URAD: variants seen among roughly 807,000 people sequenced by gnomAD.
URAD encodes the protein ureidoimidazoline (2-oxo-4-hydroxy-4-carboxy-5-) decarboxylase, also known as putative 2-oxo-4-hydroxy-4-carboxy-5-ureidoimidazoline decarboxylase.
A neutral mutation model predicts 4.6 loss-of-function variants in URAD; 4 were observed. That is an observed-to-expected ratio of 0.87 (90% CI 0.43 to 1.98). The LOEUF (loss-of-function observed/expected upper bound fraction) is 1.98. URAD is among the 30% of genes most tolerant of loss of function. The pLI is 0.03. For synonymous variants in URAD, 144 were observed against 118.2 expected, an observed-to-expected ratio of 1.22 and a Z score of -1.41; for missense variants, 300 against 255.3, an observed-to-expected ratio of 1.18 and a Z score of -1.19.
intron 1 of URAD, among the ~76,000 whole-genome samples, chr13:27,983,035 A>T (rs757517276): frequency 4.6e-5 from 7 of 151,934 alleles, no homozygotes; most frequent in Non-Finnish European, 7.4e-5. Context: ...CCACATCACC[A>T]TCCTAAAGCA....
At position 27,986,097 on chromosome 13, in the gene URAD, C is replaced by T. The variant is rs369456270; in HGVS notation, c.175+2366G>A. On this transcript the variant is annotated intron_variant, in intron 1 of 1. Transcript: ENST00000332715. ...AGCCTCCACCACAGGGAGCTCCTCC[C>T]CAGAACCGTGTCTACTGCAGACACC... is the stretch of plus-strand genomic sequence containing the variant. 3.9e-5 allele frequency among the ~76,000 whole-genome samples: 6 copies of T among 152,212 alleles called. No individual in the cohort carries two copies. The South Asian group carries it at 1.2e-3, about 32-fold the overall frequency.
intron 1 of URAD, among the ~76,000 whole-genome samples, chr13:27,979,763 C>T (rs1182233850): frequency 6.6e-6 from 1 of 152,204 alleles, no homozygotes; most frequent in East Asian, 1.9e-4. Context: ...AGGTAGACGT[C>T]CTCTTCCTCA....
intron 1 of URAD, among the ~76,000 whole-genome samples, chr13:27,984,944 A>T (rs754627219): frequency 4.6e-5 from 7 of 152,044 alleles, no homozygotes; most frequent in Non-Finnish European, 8.8e-5. Context: ...GTGCCACTGC[A>T]CTCCAGCCTG....
Position 27,988,680 on chromosome 13 carries a change from C to A in URAD, c.-43G>T, listed in dbSNP as rs769514810. On this transcript the variant is annotated 5_prime_UTR_variant, in exon 1 of 2. Coordinates refer to ENST00000332715, the MANE Select transcript of URAD (RefSeq NM_001105577.2). ...AGACAGCGGGACGTCCAGCTCCCCT[C>A]TCGGTGAGTGAGTGACGCTGTCTCG... The A allele has an allele frequency of 6.5e-7, 1 of 1,528,768 alleles. No homozygotes were observed. Among genetic ancestry groups the A allele is most frequent in the Non-Finnish European group, 8.8e-7 (1 of 1,135,472 alleles). 94.7% of individuals were successfully genotyped at this position (1,528,768 alleles called of 1,614,324 possible). A position where few individuals can be genotyped will look rare whatever the true frequency, so the allele number is the denominator to read the frequency against.
intron 1 of URAD, among the ~76,000 whole-genome samples, chr13:27,986,842 C>T (rs1268334366): frequency 6.6e-6 from 1 of 152,186 alleles, no homozygotes; most frequent in Non-Finnish European, 1.5e-5. Flanking sequence ...TGCAGGAGTT[C>T]AGCTGAGAGG....
intron 1 of URAD, among the ~76,000 whole-genome samples, chr13:27,981,289 G>C (rs1869870625): frequency 6.6e-6 from 1 of 152,176 alleles, no homozygotes; most frequent in South Asian, 2.1e-4. Flanking sequence ...ATAAGCCCCA[G>C]TGGGAGGCTG....
At chr13:27,979,732 C>G (rs1869820564) in intron 1 of URAD, among the ~76,000 whole-genome samples, 1 of 152,164 alleles carries the variant, frequency 6.6e-6, no homozygotes, top group Admixed American at 6.5e-5. Flanking sequence ...CTCAAAGAAG[C>G]TGAAAATTAA....
intron 1 of URAD, among the ~76,000 whole-genome samples, chr13:27,985,465 A>G (rs1174867529): frequency 2.6e-5 from 4 of 152,206 alleles, no homozygotes; most frequent in East Asian, 3.8e-4. Context: ...CTCAATTAAA[A>G]TAAAAAATAA....
intron 1 of URAD, among the ~76,000 whole-genome samples, chr13:27,979,249 C>T (rs1869809527): frequency 6.6e-6 from 1 of 152,160 alleles, no homozygotes; most frequent in Non-Finnish European, 1.5e-5. Context: ...ATCCCAGAGG[C>T]CCCAGAGAAC....
chr13:27,985,808 G>A (rs1870010343), intron 1 of URAD, among the ~76,000 whole-genome samples: 1 of 152,128 alleles, frequency 6.6e-6, no homozygotes, highest in South Asian at 2.1e-4. Flanking sequence ...TTTCCCATCG[G>A]TAAGAATGGG....
chr13:27,985,233 G>A (rs548594076), intron 1 of URAD, among the ~76,000 whole-genome samples: 20 of 152,226 alleles, frequency 1.3e-4, no homozygotes, highest in South Asian at 2.1e-4. Flanking sequence ...CAAGGTGGGC[G>A]GATCACTTGA....
intron 1 of URAD, among the ~76,000 whole-genome samples, chr13:27,981,941 G>A (rs1869888435): frequency 6.6e-6 from 1 of 152,072 alleles, no homozygotes; most frequent in African/African-American, 2.4e-5. Flanking sequence ...TTACAGAAAA[G>A]ACCTTAGAGT....
chr13:27,988,147 T>C (rs1271915417), intron 1 of URAD, among the ~76,000 whole-genome samples: 4 of 152,088 alleles, frequency 2.6e-5, no homozygotes, highest in Non-Finnish European at 5.9e-5. Context: ...TTAGTAGAGA[T>C]GGGGTTTCAC....
intron 1 of URAD, 65 bp downstream of exon 1, chr13:27,988,398 T>A (rs1241547953): frequency 1.3e-6 from 2 of 1,494,004 alleles, no homozygotes; most frequent in Non-Finnish European, 1.8e-6. Flanking sequence ...GGCCAGTATC[T>A]AAAAATATTT....
chr13:27,982,045 G>T (rs745409062), intron 1 of URAD, among the ~76,000 whole-genome samples: 5 of 152,032 alleles, frequency 3.3e-5, no homozygotes, highest in Non-Finnish European at 7.4e-5. Flanking sequence ...CTCATTAAGG[G>T]CATCTTGCCT....
Position 27,978,200 on chromosome 13 carries a change from G to T in URAD, c.428C>A (p.Ser143Tyr). The T allele has an allele frequency of 6.7e-7, 1 of 1,497,484 alleles. No homozygotes were observed. Among genetic ancestry groups the T allele is most frequent in the Non-Finnish European group, 8.8e-7 (1 of 1,135,556 alleles). The allele number at this position is 1,497,484 out of a possible 1,614,324, so 92.8% of individuals were successfully genotyped here. The stretch of plus-strand genomic sequence containing the variant: ...CAGAGCAGTGCGCAGCTCCTGCGCG[G>T]ACGGGCAGAGCAGCCGGCGCGCCAG... ...RELARRLLCP[S>Y]AQELRTALGE... The change falls in exon 2 of 2, where the codon TCC (serine) becomes TAC (tyrosine). Residue 143 changes from serine (S) to tyrosine (Y), a missense_variant. Ser to Tyr is a moderately radical substitution (Grantham distance 144, BLOSUM62 -2). Transcript: ENST00000332715.
rs1870102173 is a variant in URAD, at chr13:27,988,527, T to G, written c.111A>C (p.Pro37=). Residue 37 remains proline (P), a synonymous_variant, in exon 1 of 2, where the codon CCA becomes CCC. Coordinates refer to ENST00000332715, the MANE Select transcript of URAD (RefSeq NM_001105577.2). ...TCTCTAAATCTTCCAAATCAGAGAA[T>G]GGCCGCTGGGACCAAACAGCAGCTG... ...LIAAAVWSQR[P]FSDLEDLEKH... The G allele has an allele frequency of 6.2e-7, 1 of 1,613,918 alleles. No homozygotes were observed. Among genetic ancestry groups the G allele is most frequent in the Middle Eastern group, 1.7e-4 (1 of 6,060 alleles).
chr13:27,983,547 T>C (rs1790226730), intron 1 of URAD, among the ~76,000 whole-genome samples: 1 of 152,108 alleles, frequency 6.6e-6, no homozygotes, highest in Non-Finnish European at 1.5e-5. Flanking sequence ...TTTCTATGAG[T>C]GGCCTCATCC....
intron 1 of URAD, among the ~76,000 whole-genome samples, chr13:27,986,884 G>A (rs1870043841): frequency 6.6e-6 from 1 of 152,146 alleles, no homozygotes; most frequent in South Asian, 2.1e-4. Flanking sequence ...GGCTGGGACT[G>A]GGCTGTCCCT....
Sources: gnomAD v4.1 joint callset for allele counts (sites outside exome capture counted in the v4.1 genomes callset) on GRCh38, gnomAD v4.1.1 for gene constraint, MANE v1.5 for transcripts, NCBI Gene and HGNC (gene_info 2026-07-23, HGNC 2026-07-21) for gene names.